Variants in GRID2 observed in about 807,000 individuals in gnomAD.
The protein encoded by GRID2 is glutamate ionotropic receptor delta type subunit 2.
A neutral mutation model predicts 114.8 loss-of-function variants in GRID2; 33 were observed. The ratio of observed to expected loss-of-function variants is 0.29; its 90% CI spans 0.22 to 0.38. GRID2 has a LOEUF of 0.38. GRID2 is among the 10% of genes least tolerant of loss of function. The pLI, the probability that GRID2 is intolerant of heterozygous loss-of-function variation, is 1.00. For missense variants in GRID2, 1,184 were observed against 1,257.7 expected (o/e 0.94, Z 0.89); for synonymous variants, 505 against 449.9 (o/e 1.12, Z -1.55).
intron 2 of GRID2, among the ~76,000 whole-genome samples, chr4:92,681,160 T>A (rs1291807699): frequency 1.3e-5 from 2 of 152,180 alleles, no homozygotes; most frequent in Non-Finnish European, 2.9e-5. Context: ...AAGCTACATA[T>A]TCTATATATG....
At chr4:92,852,257 C>T (rs1441127769) in intron 2 of GRID2, among the ~76,000 whole-genome samples, 3 of 151,710 alleles carry the variant, frequency 2.0e-5, no homozygotes, top group South Asian at 4.2e-4. Context: ...AGGAATTCCT[C>T]ATCTTTACCT....
rs111674702 is a variant in GRID2 at position 93,655,418 on chromosome 4, G to C, written c.2360+28983G>C. Among the ~76,000 whole-genome samples, 486 of 152,068 alleles carry C rather than the reference G, an allele frequency of 3.2e-3. 2 individuals carry two copies. Among genetic ancestry groups the C allele is most frequent in the African/African-American group, 0.011 (447 of 41,512 alleles). The stretch of plus-strand genomic sequence containing the variant: ...CCTAAAGTAATATTCAAGAAATTAT[G>C]CTGGACATGAAAAATCTCTAACAGA... On this transcript the variant is annotated intron_variant, in intron 14 of 15. Transcript: ENST00000282020.
rs763170338 is a variant in GRID2, at chr4:93,085,075, G to T, written c.325G>T (p.Ala109Ser). The change falls in exon 3 of 16, where the codon GCA (alanine) becomes TCA (serine). Residue 109 changes from alanine (A) to serine (S), a missense_variant. Ala to Ser is a moderately conservative substitution (Grantham distance 99). This residue lies in a region of GRID2 where 455 missense variants were observed against 429.5 expected (regional missense o/e 1.06). Coordinates refer to ENST00000282020, the MANE Select transcript of GRID2 (RefSeq NM_001510.4). The part of the protein sequence containing the change: ...CTSAGSLQSL[A>S]DAMHIPHLFI... Reference sequence around the variant, plus strand: ...GTCAGCAGGATCCCTCCAGTCTTTGGCAGACGCCATGCATATCCCCCACCT... The same window carrying T: ...GTCAGCAGGATCCCTCCAGTCTTTGTCAGACGCCATGCATATCCCCCACCT... 5.6e-6 allele frequency: 9 copies of T among 1,613,994 alleles called. No homozygotes were observed. Among genetic ancestry groups the T allele is most frequent in the Non-Finnish European group, 7.6e-6 (9 of 1,180,006 alleles).
intron 2 of GRID2, among the ~76,000 whole-genome samples, chr4:93,056,874 A>G (rs186621440): frequency 3.6e-4 from 55 of 152,068 alleles, no homozygotes; most frequent in African/African-American, 1.3e-3. Flanking sequence ...AGATAATTAG[A>G]ATCAGGTCAT....
intron 2 of GRID2, among the ~76,000 whole-genome samples, chr4:93,020,868 A>G (rs1259976105): frequency 6.6e-6 from 1 of 152,044 alleles, no homozygotes; most frequent in African/African-American, 2.4e-5. Context: ...CCCCGTCTCT[A>G]CTAAAAATAC....
intron 2 of GRID2, among the ~76,000 whole-genome samples, chr4:92,600,042 GTGTATATATATATA>G (rs1337391579): frequency 4.3e-5 from 3 of 70,370 alleles, no homozygotes; most frequent in African/African-American, 1.2e-4. Flanking sequence ...GTGTGTGTGT[GTGTATATATATATA>G]TATATATATA....
chr4:93,350,077 C>A (rs1174233599), intron 8 of GRID2, among the ~76,000 whole-genome samples: 1 of 151,958 alleles, frequency 6.6e-6, no homozygotes, highest in Non-Finnish European at 1.5e-5. Context: ...AAGGTAGAAC[C>A]ATTTTGTTTA....
At chr4:93,078,982 C>A (rs1040540070) in intron 2 of GRID2, among the ~76,000 whole-genome samples, 2 of 148,288 alleles carry the variant, frequency 1.3e-5, no homozygotes, top group African/African-American at 4.9e-5. Flanking sequence ...TAGTAAATAT[C>A]AAAAAATATG....
intron 4 of GRID2, among the ~76,000 whole-genome samples, chr4:93,195,276 G>A (rs1416197042): frequency 6.6e-6 from 1 of 152,144 alleles, no homozygotes; most frequent in African/African-American, 2.4e-5. Flanking sequence ...GTGAGGAAGT[G>A]GTGAACATGA....
At chr4:93,767,850 G>A (rs1374471341) in intron 14 of GRID2, among the ~76,000 whole-genome samples, 1 of 152,044 alleles carries the variant, frequency 6.6e-6, no homozygotes, top group Non-Finnish European at 1.5e-5. Context: ...ACAAATATAG[G>A]TTCACATACC....
intron 1 of GRID2, among the ~76,000 whole-genome samples, chr4:92,458,540 TG>T (rs1274013257): frequency 6.6e-6 from 1 of 152,216 alleles, no homozygotes; most frequent in Non-Finnish European, 1.5e-5. Context: ...GTGTTTGTTT[TG>T]TATTCTGTTT....
At chr4:93,493,422 G>T (rs1460555266) in intron 12 of GRID2, among the ~76,000 whole-genome samples, 1 of 151,724 alleles carries the variant, frequency 6.6e-6, no homozygotes, top group Non-Finnish European at 1.5e-5. Flanking sequence ...CCATTTTATG[G>T]ATGAAGAAAC....
At position 93,051,014 on chromosome 4, in the gene GRID2, T is replaced by G. The variant is rs2149280524; in HGVS notation, c.245-33981T>G. 1.3e-5 allele frequency among the ~76,000 whole-genome samples: 2 copies of G among 152,160 alleles called. 1 individual carries two copies. Among genetic ancestry groups the G allele is most frequent in the Middle Eastern group, 6.8e-3 (2 of 294 alleles). ...GTCATACCACTGAGGGATTTTCAGC[T>G]GTGAGTAAACAAATTCAGAGGAAAT... On this transcript the variant is annotated intron_variant, in intron 2 of 15. Coordinates refer to ENST00000282020, the MANE Select transcript of GRID2 (RefSeq NM_001510.4).
At chr4:93,440,537 G>A (rs990230153) in intron 10 of GRID2, among the ~76,000 whole-genome samples, 9 of 152,054 alleles carry the variant, frequency 5.9e-5, no homozygotes, top group African/African-American at 1.7e-4. Context: ...ATGTTTGCAC[G>A]TCTGAATGGT....
chr4:93,807,791 A>G (rs1335059521), exon 2 of GRID2: 1 of 152,198 alleles, frequency 6.6e-6, no homozygotes, highest in Non-Finnish European at 1.5e-5. Context: ...ATCAGTTTTT[A>G]TTGAGGACCA....
intron 2 of GRID2, among the ~76,000 whole-genome samples, chr4:92,868,098 TTCTC>T (rs1174407138): frequency 6.9e-4 from 105 of 151,158 alleles, no homozygotes; most frequent in South Asian, 1.5e-3. Context: ...CTTTCTTTCT[TTCTC>T]TTTCTTTCTT....
intron 8 of GRID2, among the ~76,000 whole-genome samples, chr4:93,241,886 A>G (rs1443295137): frequency 1.3e-5 from 2 of 151,664 alleles, no homozygotes; most frequent in African/African-American, 2.4e-5. Flanking sequence ...ACAATGTAAG[A>G]GATTTGAGTA....
chr4:93,263,252 G>T (rs1291498861), intron 8 of GRID2, among the ~76,000 whole-genome samples: 3 of 151,272 alleles, frequency 2.0e-5, no homozygotes, highest in Non-Finnish European at 4.4e-5. Flanking sequence ...ATTTTGTTTT[G>T]ACTTAGAAAA....
At chr4:92,957,840 G>T (rs977765023) in intron 2 of GRID2, among the ~76,000 whole-genome samples, 1 of 151,866 alleles carries the variant, frequency 6.6e-6, no homozygotes, top group Non-Finnish European at 1.5e-5. Context: ...TTAGAGATTT[G>T]TAGTTTTCCT....
Sources: allele counts gnomAD v4.1 joint callset (sites outside exome capture counted in the v4.1 genomes callset), GRCh38; gene constraint gnomAD v4.1.1; regional missense constraint gnomAD v4.1.1; transcripts MANE v1.5; gene names NCBI Gene and HGNC (gene_info 2026-07-23, HGNC 2026-07-21).